The following PRKAA1 variants were observed in gnomAD, a reference collection of about 807,000 sequenced individuals.
PRKAA1 encodes protein kinase AMP-activated catalytic subunit alpha 1.
PRKAA1 carries 23 observed loss-of-function variants against 56.9 expected under a neutral mutation model. That is an observed-to-expected ratio of 0.40 (90% CI 0.29 to 0.57). The LOEUF (loss-of-function observed/expected upper bound fraction) is 0.57. PRKAA1 is among the 20% of genes least tolerant of loss of function. The pLI, the probability that PRKAA1 is intolerant of heterozygous loss-of-function variation, is 0.39. For missense variants in PRKAA1, 413 were observed against 679.7 expected (o/e 0.61, Z 4.36); for synonymous variants, 226 against 227.0 (o/e 1.00, Z 0.04).
intron 1 of PRKAA1, among the ~76,000 whole-genome samples, chr5:40,777,935 G>A (rs997795451): frequency 1.3e-5 from 2 of 152,152 alleles, no homozygotes; most frequent in South Asian, 2.1e-4. Context: ...TTGGCGAGGC[G>A]TGCTGGTACA....
intron 2 of PRKAA1, 107 bp downstream of exon 2, chr5:40,777,323 CTTTTCAAAACCCTTA>C: frequency 8.4e-7 from 1 of 1,196,388 alleles, no homozygotes; most frequent in Admixed American, 2.4e-5. Context: ...TAGGAAGAAA[CTTTTCAAAACCCTTA>C]GGAAACAAAA....
At chr5:40,780,276 G>A (rs1013705992) in intron 1 of PRKAA1, among the ~76,000 whole-genome samples, 2 of 152,052 alleles carry the variant, frequency 1.3e-5, no homozygotes, top group African/African-American at 4.8e-5. Flanking sequence ...TAAGTAGCCT[G>A]GTATACTTAA....
At chr5:40,770,154 G>A (rs1175872013) in intron 4 of PRKAA1, among the ~76,000 whole-genome samples, 1 of 152,042 alleles carries the variant, frequency 6.6e-6, no homozygotes, top group Non-Finnish European at 1.5e-5. Context: ...TCAAAACTGA[G>A]GAAAATTTTT....
chr5:40,785,837 C>CAGAGAGAGAGAGAGAGAG (rs70988809), intron 1 of PRKAA1, among the ~76,000 whole-genome samples: 2 of 52,414 alleles, frequency 3.8e-5, no homozygotes, highest in African/African-American at 5.6e-5. Context: ...CACACACACA[C>CAGAGAGAGAGAGAGAGAG]ACAGAGAGAG....
chr5:40,765,091 G>A lies in PRKAA1; in HGVS notation c.969C>T (p.Tyr323=), dbSNP rs1743365741. ...CSEEEVLSCL[Y]NRNHQDPLAV... ...CCAAAGGATCCTGGTGATTTCTGTT[G>A]TAAAGACAGCTGAGAACTTCCTCTT... The change falls in exon 7 of 9, where the codon TAC becomes TAT. Residue 323 remains tyrosine, a synonymous_variant. Coordinates refer to ENST00000397128, the MANE Select transcript of PRKAA1 (RefSeq NM_006251.6). 1.9e-6 allele frequency: 3 copies of A among 1,614,046 alleles called. No individual in the cohort carries two copies. The South Asian group carries it at 3.3e-5, about 18-fold the overall frequency.
In PRKAA1 at chr5:40,771,671, A is replaced by G. The variant is rs764678165; in HGVS notation, c.508+48T>C. 12 of 1,552,442 alleles carry G rather than the reference A, an allele frequency of 7.7e-6. 1 individual carries two copies. The South Asian group carries it at 8.3e-5, about 11-fold the overall frequency. ...AATTCTAGGTAGGTTCATTGAAACTATAAGAACATTAGAAATGAACGTTAA... is the reference window on the plus strand; with the variant it reads ...AATTCTAGGTAGGTTCATTGAAACTGTAAGAACATTAGAAATGAACGTTAA... On this transcript the variant is annotated intron_variant, in intron 4 of 8. Coordinates refer to ENST00000397128, the MANE Select transcript of PRKAA1 (RefSeq NM_006251.6).
rs1352095257 is a variant in PRKAA1 at position 40,764,515 on chromosome 5, A to G, written c.1434T>C (p.Asp478=). ...TGTTGTTTTGTGTGATGTACATACC[A>G]TCAATACTACGGAAATCCAGTAGAT... ...RTYLLDFRSI[D]DEITEAKSGT... Residue 478 remains aspartate (D), a splice_region_variant and synonymous_variant, in exon 8 of 9, where the codon GAT becomes GAC. Coordinates refer to ENST00000397128, the MANE Select transcript of PRKAA1 (RefSeq NM_006251.6). 6.2e-7 allele frequency: 1 copy of G among 1,611,028 alleles called. No homozygotes were observed. The highest frequency in any genetic ancestry group is 1.3e-5 in the African/African-American group (1 of 74,970).
Position 40,765,167 on chromosome 5 carries a change from A to G in PRKAA1, c.893T>C (p.Met298Thr). ...FPEDPSYSSTMIDDEALKEVC... is the reference protein window; with the variant it reads ...FPEDPSYSSTTIDDEALKEVC... ...TTCTTTTAAGGCTTCATCATCAATC[A>G]TGGTTGAACTATATGATGGATCCTC... Residue 298 changes from methionine (M) to threonine (T), a missense_variant, in exon 7 of 9, where the codon ATG (methionine) becomes ACG (threonine). This residue lies in a region of PRKAA1 where 113 missense variants were observed against 198.6 expected (regional missense o/e 0.57). Coordinates refer to ENST00000397128, the MANE Select transcript of PRKAA1 (RefSeq NM_006251.6). The G allele has an allele frequency of 6.2e-7, 1 of 1,614,076 alleles. No individual in the cohort carries two copies. The highest frequency in any genetic ancestry group is 8.5e-7 in the Non-Finnish European group (1 of 1,179,938).
intron 1 of PRKAA1, among the ~76,000 whole-genome samples, chr5:40,780,791 A>G (rs1285257280): frequency 6.6e-6 from 1 of 152,156 alleles, no homozygotes; most frequent in Non-Finnish European, 1.5e-5. Context: ...AGCAGATTTA[A>G]TGGTGGCCAC....
At chr5:40,779,410 G>A (rs1744168702) in intron 1 of PRKAA1, among the ~76,000 whole-genome samples, 2 of 152,026 alleles carry the variant, frequency 1.3e-5, no homozygotes, top group Admixed American at 1.3e-4. Flanking sequence ...ATTTATTTGA[G>A]AAACATAAAA....
chr5:40,777,937 G>A (rs970301043), intron 1 of PRKAA1, among the ~76,000 whole-genome samples: 4 of 152,200 alleles, frequency 2.6e-5, no homozygotes, highest in Admixed American at 1.3e-4. Context: ...GGCGAGGCGT[G>A]CTGGTACACA....
chr5:40,767,535 G>A lies in PRKAA1; in HGVS notation c.752C>T (p.Ser251Phe). The part of the protein sequence containing the change: ...IFYTPQYLNP[S>F]VISLLKHMLQ... ...CATATGTTTCAAAAGGCTAATCACAGAAGGATTTAAATATTGAGGGGTATA... is the reference window on the plus strand; with the variant it reads ...CATATGTTTCAAAAGGCTAATCACAAAAGGATTTAAATATTGAGGGGTATA... Residue 251 changes from serine (S) to phenylalanine (F), a missense_variant, in exon 6 of 9, where the codon TCT becomes TTT. Physicochemically the swap from Ser to Phe is radical, Grantham distance 155. Transcript: ENST00000397128. 1 of 1,613,738 alleles carries A rather than the reference G, an allele frequency of 6.2e-7. No homozygotes were observed. Among genetic ancestry groups the A allele is most frequent in the South Asian group, 1.1e-5 (1 of 91,080 alleles).
chr5:40,771,729 T>C lies in PRKAA1; in HGVS notation c.498A>G (p.Ile166Met). The change falls in exon 4 of 9, where the codon ATA becomes ATG. Residue 166 changes from isoleucine (I) to methionine (M), a missense_variant. By Grantham distance (10) the Ile-to-Met change is conservative. This residue lies in a region of PRKAA1 where 113 missense variants were observed against 198.6 expected (regional missense o/e 0.57). Coordinates refer to ENST00000397128, the MANE Select transcript of PRKAA1 (RefSeq NM_006251.6). ...TAAAATTATCCTTACCAAAATCAGC[T>C]ATCTTTGCATTCATGTGTGCATCAA... ...VLLDAHMNAKIADFGLSNMMS... is the reference protein window; with the variant it reads ...VLLDAHMNAKMADFGLSNMMS... 6.2e-7 allele frequency: 1 copy of C among 1,601,406 alleles called. No individual in the cohort carries two copies. Among genetic ancestry groups the C allele is most frequent in the Non-Finnish European group, 8.5e-7 (1 of 1,177,186 alleles).
chr5:40,787,133 TA>T (rs1744524871), intron 1 of PRKAA1, among the ~76,000 whole-genome samples: 2 of 151,974 alleles, frequency 1.3e-5, no homozygotes, highest in African/African-American at 4.8e-5. Flanking sequence ...AAATGAATTA[TA>T]TATCTAGTAT....
chr5:40,791,925 A>G (rs1398759531), intron 1 of PRKAA1, among the ~76,000 whole-genome samples: 2 of 152,376 alleles, frequency 1.3e-5, no homozygotes, highest in African/African-American at 4.8e-5. Flanking sequence ...ATATTTTTAC[A>G]TGGGTAGGAA....
At chr5:40,774,107 T>C (rs1277252729) in intron 3 of PRKAA1, among the ~76,000 whole-genome samples, 1 of 152,214 alleles carries the variant, frequency 6.6e-6, no homozygotes, top group African/African-American at 2.4e-5. Flanking sequence ...TCCCTACCTA[T>C]TCAAGCTATG....
At chr5:40,783,362 C>CA (rs1744340464) in intron 1 of PRKAA1, among the ~76,000 whole-genome samples, 1 of 75,062 alleles carries the variant, frequency 1.3e-5, no homozygotes, top group Non-Finnish European at 2.9e-5. Flanking sequence ...TTTAGCTACA[C>CA]AAAAAAATCA....
chr5:40,770,489 T>A (rs1371089845), intron 4 of PRKAA1, among the ~76,000 whole-genome samples: 3 of 151,760 alleles, frequency 2.0e-5, no homozygotes, highest in African/African-American at 7.3e-5. Flanking sequence ...AAAAAAGTTA[T>A]CTGATTTGAA....
rs755771529 is a variant in PRKAA1, at chr5:40,798,055, G to A, written c.127+8C>T. The A allele has an allele frequency of 1.2e-6, 2 of 1,608,052 alleles. No homozygotes were observed. The highest frequency in any genetic ancestry group is 1.7e-6 in the Non-Finnish European group (2 of 1,176,540). On this transcript the variant is annotated splice_region_variant and intron_variant, in intron 1 of 8. Coordinates refer to ENST00000397128, the MANE Select transcript of PRKAA1 (RefSeq NM_006251.6). Reference sequence around the variant, plus strand: ...CTGGGGCCAAGCCTAGTCCCGCGGGGTTCTCACCCTTCACTTTGCCGAAGG... The same window carrying A: ...CTGGGGCCAAGCCTAGTCCCGCGGGATTCTCACCCTTCACTTTGCCGAAGG...
Sources: gnomAD v4.1 joint callset for allele counts (sites outside exome capture counted in the v4.1 genomes callset) on GRCh38, gnomAD v4.1.1 for gene constraint, gnomAD v4.1.1 regional missense constraint, MANE v1.5 for transcripts, NCBI Gene and HGNC (gene_info 2026-07-23, HGNC 2026-07-21) for gene names.